CNTN4: variants seen among roughly 807,000 people sequenced by gnomAD.
CNTN4 encodes contactin 4, also known as contactin-4.
CNTN4 carries 77 observed loss-of-function variants against 122.5 expected under a neutral mutation model. The observed-to-expected ratio is 0.63, with a 90% CI of 0.52 to 0.76. The LOEUF is 0.76. Ranked by LOEUF, CNTN4 falls within the 30% of genes least tolerant of loss-of-function variation. The probability of loss-of-function intolerance (pLI) is 0.00; values close to 1 mark genes in which losing one functional copy is unlikely to be tolerated. For synonymous variants in CNTN4, 512 were observed against 447.0 expected, an observed-to-expected ratio of 1.15 and a Z score of -1.83; for missense variants, 1,256 against 1,259.1, an observed-to-expected ratio of 1.00 and a Z score of 0.04.
At chr3:2,569,815 C>T (rs1478772042) in intron 3 of CNTN4, among the ~76,000 whole-genome samples, 1 of 152,016 alleles carries the variant, frequency 6.6e-6, no homozygotes, top group African/African-American at 2.4e-5. Flanking sequence ...CTTTCAGACC[C>T]CAAGGGAAGC....
At chr3:2,758,358 G>T (rs888821991) in intron 6 of CNTN4, among the ~76,000 whole-genome samples, 1 of 152,012 alleles carries the variant, frequency 6.6e-6, no homozygotes, top group African/African-American at 2.4e-5. Flanking sequence ...AGCCTATGAG[G>T]TTATATTTCC....
chr3:3,034,529 G>A (rs1045320066), intron 16 of CNTN4, 103 bp from the exon 17 acceptor site: 160 of 1,200,388 alleles, frequency 1.3e-4, no homozygotes, highest in Non-Finnish European at 1.4e-4. Flanking sequence ...ATCTGTGAAT[G>A]GGTAGATAAA....
chr3:2,158,231 C>T (rs922399079), intron 2 of CNTN4, among the ~76,000 whole-genome samples: 3 of 152,022 alleles, frequency 2.0e-5, no homozygotes, highest in Non-Finnish European at 4.4e-5. Flanking sequence ...TTACAAAGGG[C>T]GAATTTTTTC....
At chr3:2,106,929 T>C (rs1157067393) in intron 2 of CNTN4, among the ~76,000 whole-genome samples, 1 of 152,234 alleles carries the variant, frequency 6.6e-6, no homozygotes, top group East Asian at 1.9e-4. Context: ...AAAATTCTGC[T>C]AGTCTCTTTG....
At chr3:2,116,093 T>A (rs532045739) in intron 2 of CNTN4, among the ~76,000 whole-genome samples, 1 of 152,296 alleles carries the variant, frequency 6.6e-6, no homozygotes, top group African/African-American at 2.4e-5. Context: ...ATCCTGATGA[T>A]CTTCAAATCC....
At chr3:2,858,047 A>T (rs1174020854) in intron 7 of CNTN4, among the ~76,000 whole-genome samples, 1 of 152,232 alleles carries the variant, frequency 6.6e-6, no homozygotes, top group African/African-American at 2.4e-5. Context: ...TATATGGAGT[A>T]GGGAATGGTA....
At chr3:2,735,287 G>T (rs143059371) in intron 4 of CNTN4, among the ~76,000 whole-genome samples, 2 of 152,198 alleles carry the variant, frequency 1.3e-5, no homozygotes, top group Non-Finnish European at 1.5e-5. Flanking sequence ...TTCCATGGGC[G>T]TAAGCGGCGA....
intron 14 of CNTN4, among the ~76,000 whole-genome samples, chr3:3,003,855 T>C (rs1165974599): frequency 6.6e-6 from 1 of 152,110 alleles, no homozygotes; most frequent in Non-Finnish European, 1.5e-5. Flanking sequence ...GCACAAGCAA[T>C]CCTTCCACCT....
At chr3:2,792,591 G>T (rs1015664210) in intron 6 of CNTN4, among the ~76,000 whole-genome samples, 5 of 152,138 alleles carry the variant, frequency 3.3e-5, no homozygotes, top group African/African-American at 1.2e-4. Context: ...TCAGATTTTT[G>T]ATAGCATTAT....
chr3:2,381,253 G>A (rs1004424718), intron 3 of CNTN4, among the ~76,000 whole-genome samples: 10 of 152,072 alleles, frequency 6.6e-5, no homozygotes, highest in Non-Finnish European at 1.2e-4. Context: ...TGATCCACCC[G>A]CCTCGGCCTC....
intron 2 of CNTN4, among the ~76,000 whole-genome samples, chr3:2,331,620 C>G (rs957559173): frequency 6.6e-6 from 1 of 152,156 alleles, no homozygotes; most frequent in Non-Finnish European, 1.5e-5. Flanking sequence ...GAGAATGACC[C>G]TGTATGGCAG....
chr3:2,419,265 T>G (rs1030360374), intron 3 of CNTN4, among the ~76,000 whole-genome samples: 1 of 152,148 alleles, frequency 6.6e-6, no homozygotes, highest in Non-Finnish European at 1.5e-5. Context: ...TAGGTAACAT[T>G]CCACTCTAAT....
At chr3:2,207,538 C>T (rs2038414942) in intron 2 of CNTN4, among the ~76,000 whole-genome samples, 1 of 152,184 alleles carries the variant, frequency 6.6e-6, no homozygotes, top group South Asian at 2.1e-4. Flanking sequence ...CCACAACGTT[C>T]CCTTAAAGAC....
chr3:2,699,909 C>A (rs1383975066), intron 4 of CNTN4, among the ~76,000 whole-genome samples: 1 of 152,096 alleles, frequency 6.6e-6, no homozygotes, highest in African/African-American at 2.4e-5. Flanking sequence ...TTCAGAGCAG[C>A]TATGCAGGCT....
chr3:2,879,863 C>A (rs1240443249), intron 8 of CNTN4, among the ~76,000 whole-genome samples: 1 of 152,066 alleles, frequency 6.6e-6, no homozygotes, highest in East Asian at 1.9e-4. Flanking sequence ...ACCTTAAAAA[C>A]TTGTTTTTTA....
chr3:2,654,727 T>C (rs1200027674), intron 4 of CNTN4, among the ~76,000 whole-genome samples: 1 of 152,134 alleles, frequency 6.6e-6, no homozygotes, highest in Admixed American at 6.6e-5. Context: ...GGGCCTGTTT[T>C]TTCCCCCCAG....
chr3:2,549,165 C>T (rs1036884750), intron 3 of CNTN4, among the ~76,000 whole-genome samples: 1 of 152,166 alleles, frequency 6.6e-6, no homozygotes, highest in African/African-American at 2.4e-5. Flanking sequence ...ATTTGACTTC[C>T]TGTCTTCCTA....
At chr3:3,045,548 G>A (rs1055528337) in intron 23 of CNTN4, among the ~76,000 whole-genome samples, 19 of 152,224 alleles carry the variant, frequency 1.2e-4, no homozygotes, top group Admixed American at 4.6e-4. Flanking sequence ...GCAAACTCCA[G>A]CAGACCTGCA....
At chr3:2,423,233 A>G (rs2047678773) in intron 3 of CNTN4, among the ~76,000 whole-genome samples, 1 of 152,174 alleles carries the variant, frequency 6.6e-6, no homozygotes, top group African/African-American at 2.4e-5. Flanking sequence ...CAAATGGACA[A>G]TTTTTGACAA....
Sources: gnomAD v4.1 joint callset for allele counts (sites outside exome capture counted in the v4.1 genomes callset) on GRCh38, gnomAD v4.1.1 for gene constraint, MANE v1.5 for transcripts, NCBI Gene and HGNC (gene_info 2026-07-23, HGNC 2026-07-21) for gene names.